The following DYNC2H1 variants were observed in gnomAD, a reference collection of about 807,000 sequenced individuals.
The protein encoded by DYNC2H1 is cytoplasmic dynein 2 heavy chain 1.
DYNC2H1 carries 410 observed loss-of-function variants against 570.0 expected under a neutral mutation model. The ratio of observed to expected loss-of-function variants is 0.72; its 90% CI spans 0.66 to 0.78. The LOEUF is 0.78. Ranked by LOEUF, DYNC2H1 falls within the 30% of genes least tolerant of loss-of-function variation. The probability of loss-of-function intolerance (pLI) is 0.00; values close to 1 mark genes in which losing one functional copy is unlikely to be tolerated. For synonymous variants in DYNC2H1, 1,688 were observed against 1,677.6 expected (o/e 1.01, Z -0.15); for missense variants, 4,865 against 5,046.4 (o/e 0.96, Z 1.09).
Position 103,254,655 on chromosome 11 carries a change from C to T in DYNC2H1, c.10207-760C>T, listed in dbSNP as rs1323305710. ...AATATAGGAGGGTTCCGCTTTTTTC[C>T]ATATCCTTGCCAACTCTGGTTGTTA... is the stretch of plus-strand genomic sequence containing the variant. On this transcript the variant is annotated intron_variant, in intron 66 of 88. Coordinates refer to ENST00000375735, the MANE Select transcript of DYNC2H1 (RefSeq NM_001377.3). The surrounding 1 kb of genome is among the most constrained non-coding windows in gnomAD (Gnocchi z 4.9). 3.3e-4 allele frequency among the ~76,000 whole-genome samples: 50 copies of T among 152,120 alleles called. No individual in the cohort carries two copies. The highest frequency in any genetic ancestry group is 3.3e-3 in the Admixed American group (50 of 15,268).
rs1862636457 is a variant in DYNC2H1, at chr11:103,199,601, G to A, written c.8088+125G>A. ...TAAAGAACATCTTTAAAGAACTAAAGTTCTCTGTTATACAATGTAGTCTTT... is the reference window on the plus strand; with the variant it reads ...TAAAGAACATCTTTAAAGAACTAAAATTCTCTGTTATACAATGTAGTCTTT... On this transcript the variant is annotated intron_variant, in intron 49 of 88. Transcript: ENST00000375735. This position sits in a 1 kb window ranked among gnomAD's most constrained non-coding sequence, Gnocchi z 4.6. 19 of 919,664 alleles carry A rather than the reference G, an allele frequency of 2.1e-5. No individual in the cohort carries two copies. The East Asian group carries it at 4.5e-4, about 22-fold the overall frequency. 57.0% of individuals were successfully genotyped at this position (919,664 alleles called of 1,614,324 possible).
intron 52 of DYNC2H1, among the ~76,000 whole-genome samples, chr11:103,208,804 G>A (rs1169160412): frequency 1.3e-5 from 2 of 152,038 alleles, no homozygotes; most frequent in East Asian, 1.9e-4. Flanking sequence ...TGAAAATAAA[G>A]CAAATTAATA....
chr11:103,187,400 T>C lies in DYNC2H1; in HGVS notation c.6954T>C (p.Cys2318=). 1.2e-6 allele frequency: 2 copies of C among 1,613,226 alleles called. No homozygotes were observed. The highest frequency in any genetic ancestry group is 1.1e-5 in the South Asian group (1 of 91,080). Reference sequence around the variant, plus strand: ...CCACTCAAATTGCTACAGTTCACTGTAGTGCACAAACCACTTCTCGACATC... The same window carrying C: ...CCACTCAAATTGCTACAGTTCACTGCAGTGCACAAACCACTTCTCGACATC... ...LRSTQIATVH[C]SAQTTSRHLL... is the part of the protein sequence containing the mutation. Residue 2318 remains cysteine (C), a synonymous_variant, in exon 43 of 89, where the codon TGT becomes TGC. Coordinates refer to ENST00000375735, the MANE Select transcript of DYNC2H1 (RefSeq NM_001377.3).
At chr11:103,296,286 C>G (rs566974612) in intron 75 of DYNC2H1, among the ~76,000 whole-genome samples, 1 of 152,110 alleles carries the variant, frequency 6.6e-6, no homozygotes, top group South Asian at 2.1e-4. Context: ...TCTTGCTCTG[C>G]CTCCTTCTTA....
At chr11:103,122,216 A>G (rs1451581856) in intron 10 of DYNC2H1, among the ~76,000 whole-genome samples, 9 of 152,210 alleles carry the variant, frequency 5.9e-5, no homozygotes, top group South Asian at 2.1e-4. Flanking sequence ...TTAATTGATT[A>G]TAGTCTGTGA....
chr11:103,174,012 C>T, intron 35 of DYNC2H1, 43 bp from the exon 36 acceptor site: 2 of 1,366,414 alleles, frequency 1.5e-6, no homozygotes, highest in South Asian at 2.6e-5. Flanking sequence ...AAAGTAATTT[C>T]TTCTAGCTAT....
intron 47 of DYNC2H1, among the ~76,000 whole-genome samples, chr11:103,193,533 C>T (rs1862400055): frequency 2.0e-5 from 3 of 151,306 alleles, no homozygotes; most frequent in African/African-American, 7.3e-5. Context: ...TTTTTCTTTT[C>T]TTTTTTCTTT....
chr11:103,134,625 C>T (rs963166480), intron 15 of DYNC2H1, among the ~76,000 whole-genome samples: 24 of 151,788 alleles, frequency 1.6e-4, no homozygotes, highest in African/African-American at 5.8e-4. Flanking sequence ...AAAATAAGTT[C>T]CTGTAGTGTC....
chr11:103,404,224 T>C (rs1054734497), intron 84 of DYNC2H1: 3 of 151,904 alleles, frequency 2.0e-5, no homozygotes, highest in Admixed American at 2.0e-4. Context: ...GTAATGATTT[T>C]ACTAGTATCT....
chr11:103,179,258 A>G (rs748540351), intron 39 of DYNC2H1, 25 bp downstream of exon 39: 7 of 1,594,492 alleles, frequency 4.4e-6, no homozygotes, highest in African/African-American at 4.0e-5. Flanking sequence ...ATTTATATAC[A>G]GTATATTAGA....
intron 17 of DYNC2H1, among the ~76,000 whole-genome samples, chr11:103,140,993 C>T (rs868220175): frequency 3.9e-5 from 6 of 152,130 alleles, no homozygotes; most frequent in Middle Eastern, 3.2e-3. Flanking sequence ...TCCAGTTGAT[C>T]GCATCGGCTC....
intron 63 of DYNC2H1, among the ~76,000 whole-genome samples, chr11:103,237,042 C>T (rs1292180003): frequency 1.3e-5 from 2 of 151,976 alleles, no homozygotes; most frequent in Non-Finnish European, 2.9e-5. Context: ...ATAGCATAAC[C>T]TTATTATCAG....
At chr11:103,349,363 T>C (rs151323881) in intron 82 of DYNC2H1, among the ~76,000 whole-genome samples, 1 of 152,278 alleles carries the variant, frequency 6.6e-6, no homozygotes, top group African/African-American at 2.4e-5. Context: ...ATACATGATA[T>C]AGTGCATTTA....
intron 53 of DYNC2H1, 32 bp from the exon 54 acceptor site, chr11:103,211,757 A>G: frequency 1.1e-6 from 1 of 946,580 alleles, no homozygotes; most frequent in Non-Finnish European, 1.5e-6. Context: ...CATACATATA[A>G]TAAGTTATTT....
chr11:103,326,434 C>A lies in DYNC2H1; in HGVS notation c.12039+2444C>A, dbSNP rs1287319839. On this transcript the variant is annotated intron_variant, in intron 82 of 88. Coordinates refer to ENST00000375735, the MANE Select transcript of DYNC2H1 (RefSeq NM_001377.3). This position sits in a 1 kb window ranked among gnomAD's most constrained non-coding sequence, Gnocchi z 6.1. ...GCCCTGTGGAGGGACGTACGAACCG[C>A]CTCTGTGCTGGCCCACAAACCTGCA... Among the ~76,000 whole-genome samples, 1 of 152,164 alleles carries A rather than the reference C, an allele frequency of 6.6e-6. No homozygotes were observed. Among genetic ancestry groups the A allele is most frequent in the Non-Finnish European group, 1.5e-5 (1 of 68,036 alleles).
chr11:103,251,996 T>A (rs7937244), intron 65 of DYNC2H1, among the ~76,000 whole-genome samples: 26,725 of 152,018 alleles, frequency 0.18, 2,973 homozygotes, highest in African/African-American at 0.32. Flanking sequence ...TGATCCATAG[T>A]TCACTGTAAC....
rs1464954840 is a variant in DYNC2H1 at position 103,264,497 on chromosome 11, C to T, written c.10695+4520C>T. ...CCGAATCCAGCAGCACATCAAAAAG[C>T]TTATCCACCACAATCAAGTTGGCTT... is the stretch of plus-strand genomic sequence containing the variant. On this transcript the variant is annotated intron_variant, in intron 70 of 88. Transcript: ENST00000375735. This position sits in a 1 kb window ranked among gnomAD's most constrained non-coding sequence, Gnocchi z 4.8. Among the ~76,000 whole-genome samples the T allele has an allele frequency of 6.6e-6, 1 of 152,162 alleles. No homozygotes were observed. Among genetic ancestry groups the T allele is most frequent in the Non-Finnish European group, 1.5e-5 (1 of 68,022 alleles).
At chr11:103,250,645 T>G (rs1864796309) in intron 65 of DYNC2H1, among the ~76,000 whole-genome samples, 1 of 152,288 alleles carries the variant, frequency 6.6e-6, no homozygotes, top group Admixed American at 6.5e-5. Flanking sequence ...TCTCCAAATT[T>G]TATTTGGTCT....
intron 59 of DYNC2H1, among the ~76,000 whole-genome samples, chr11:103,230,053 A>G (rs981970196): frequency 6.6e-6 from 1 of 152,118 alleles, no homozygotes; most frequent in African/African-American, 2.4e-5. Flanking sequence ...GGGGGAGGGG[A>G]CAGTAAGCCC....
Sources: gnomAD v4.1 joint callset for allele counts (sites outside exome capture counted in the v4.1 genomes callset) on GRCh38, gnomAD v4.1.1 for gene constraint, Gnocchi (gnomAD v3.1) non-coding constraint, MANE v1.5 for transcripts, NCBI Gene and HGNC (gene_info 2026-07-23, HGNC 2026-07-21) for gene names.